PARP1: variants seen among roughly 807,000 people sequenced by gnomAD.
PARP1 encodes the protein poly [ADP-ribose] polymerase 1.
A neutral mutation model predicts 118.7 loss-of-function variants in PARP1; 44 were observed. That is an observed-to-expected ratio of 0.37 (90% CI 0.29 to 0.48). The LOEUF is 0.48. PARP1 is among the 20% of genes least tolerant of loss of function. The pLI is 0.99. For synonymous variants in PARP1, 492 were observed against 483.2 expected (o/e 1.02, Z -0.24); for missense variants, 1,100 against 1,272.4 (o/e 0.86, Z 2.06).
At chr1:226,371,958 G>A (rs1295418311) in intron 14 of PARP1, among the ~76,000 whole-genome samples, 1 of 152,250 alleles carries the variant, frequency 6.6e-6, no homozygotes, top group African/African-American at 2.4e-5. Context: ...CGGGCTGGGA[G>A]CAGTGGCTCC....
chr1:226,376,175 CAA>C (rs778142545), intron 13 of PARP1, among the ~76,000 whole-genome samples: 2 of 151,908 alleles, frequency 1.3e-5, no homozygotes, highest in Admixed American at 6.6e-5. Context: ...TGCTAGGCCT[CAA>C]AGATTTAGAA....
At chr1:226,390,341 G>A in intron 4 of PARP1, 69 bp downstream of exon 4, 3 of 1,337,276 alleles carry the variant, frequency 2.2e-6, no homozygotes, top group Admixed American at 1.7e-5. Flanking sequence ...TATGGAACCT[G>A]TAGGGCCTTT....
At chr1:226,369,746 G>C (rs1190365229) in intron 15 of PARP1, among the ~76,000 whole-genome samples, 2 of 152,060 alleles carry the variant, frequency 1.3e-5, no homozygotes, top group Admixed American at 6.6e-5. Context: ...CTTGAACCCA[G>C]GAGTTTGAGA....
At chr1:226,376,931 G>C (rs1664499388) in intron 13 of PARP1, among the ~76,000 whole-genome samples, 177 bp downstream of exon 13, 1 of 152,198 alleles carries the variant, frequency 6.6e-6, no homozygotes, top group African/African-American at 2.4e-5. Context: ...CATGCAATGA[G>C]CTGGGAAGTA....
rs1664293511 is a variant in PARP1, at chr1:226,367,471, C to T, written c.2406+9G>A. 6.2e-7 allele frequency: 1 copy of T among 1,613,574 alleles called. No homozygotes were observed. Among genetic ancestry groups the T allele is most frequent in the Non-Finnish European group, 8.5e-7 (1 of 1,180,010 alleles). On this transcript the variant is annotated intron_variant, in intron 17 of 22. Transcript: ENST00000366794. ...GTTAAGATGCTTGAGGAAGGCCTGA[C>T]CCTGTTACCTTAATGTCAGTTTTGA...
chr1:226,393,940 A>C (rs1365661784), intron 2 of PARP1, among the ~76,000 whole-genome samples: 1 of 152,258 alleles, frequency 6.6e-6, no homozygotes, highest in African/African-American at 2.4e-5. Context: ...ATGAAACTTT[A>C]ATGAGGCAAA....
At chr1:226,381,513 T>A (rs1322746748) in intron 8 of PARP1, among the ~76,000 whole-genome samples, 1 of 152,200 alleles carries the variant, frequency 6.6e-6, no homozygotes, top group African/African-American at 2.4e-5. Flanking sequence ...CTAGGAAGGC[T>A]GCATCTGCGG....
intron 8 of PARP1, among the ~76,000 whole-genome samples, chr1:226,382,499 CAG>C (rs953854348): frequency 2.6e-5 from 4 of 152,174 alleles, no homozygotes; most frequent in Non-Finnish European, 5.9e-5. Flanking sequence ...CCTAGCCTCC[CAG>C]AGTAAGAGCT....
chr1:226,364,202 C>T, intron 19 of PARP1, 132 bp from the exon 20 acceptor site: 1 of 875,658 alleles, frequency 1.1e-6, no homozygotes, highest in Non-Finnish European at 1.9e-6. Context: ...TCACAATGCC[C>T]ATGGTGAGGA....
intron 5 of PARP1, 89 bp downstream of exon 5, chr1:226,388,567 G>A (rs1664756783): frequency 5.5e-6 from 5 of 912,572 alleles, no homozygotes; most frequent in Non-Finnish European, 7.4e-6. Flanking sequence ...TTAATAAGTG[G>A]GACACAACTC....
intron 8 of PARP1, among the ~76,000 whole-genome samples, chr1:226,381,577 C>T (rs536419182): frequency 6.6e-4 from 100 of 152,348 alleles, no homozygotes; most frequent in African/African-American, 2.4e-3. Flanking sequence ...GTCACATGAA[C>T]CCCCAATTCC....
chr1:226,388,082 TA>T (rs1303487622), intron 5 of PARP1, among the ~76,000 whole-genome samples: 2 of 152,268 alleles, frequency 1.3e-5, no homozygotes, highest in African/African-American at 4.8e-5. Context: ...TTCTGATTAA[TA>T]ATTTTTGCTT....
chr1:226,371,333 C>T (rs1333759242), intron 14 of PARP1, among the ~76,000 whole-genome samples: 1 of 152,186 alleles, frequency 6.6e-6, no homozygotes, highest in African/African-American at 2.4e-5. Flanking sequence ...GCCGTGACTG[C>T]GCCTTTCCAT....
intron 7 of PARP1, among the ~76,000 whole-genome samples, chr1:226,385,181 C>G (rs148591128): frequency 1.1e-4 from 16 of 152,218 alleles, no homozygotes; most frequent in Non-Finnish European, 1.9e-4. Flanking sequence ...GAATTACTAT[C>G]CATTTCTTCA....
At chr1:226,395,123 T>TAA (rs77368740) in intron 2 of PARP1, among the ~76,000 whole-genome samples, 1 of 142,996 alleles carries the variant, frequency 7.0e-6, no homozygotes, top group African/African-American at 2.6e-5. Context: ...GGCTATTATT[T>TAA]AAAAAAAAAA....
At chr1:226,371,935 C>T (rs377346178) in intron 14 of PARP1, among the ~76,000 whole-genome samples, 2 of 152,242 alleles carry the variant, frequency 1.3e-5, no homozygotes, top group South Asian at 4.1e-4. Flanking sequence ...AACTCAGGCA[C>T]AGCGCTGGAC....
At chr1:226,362,212 G>A (rs1470173513) in intron 21 of PARP1, 129 bp from the exon 22 acceptor site, 1 of 660,312 alleles carries the variant, frequency 1.5e-6, no homozygotes, top group Admixed American at 2.3e-5. Context: ...TTTTGAGATG[G>A]AGTCTCACTG....
chr1:226,401,157 G>C (rs1395853128), intron 2 of PARP1, among the ~76,000 whole-genome samples: 1 of 152,274 alleles, frequency 6.6e-6, no homozygotes, highest in African/African-American at 2.4e-5. Context: ...CAGGAATTAG[G>C]AGGGATAAAC....
Position 226,364,029 on chromosome 1 carries a change from C to G in PARP1, c.2700G>C (p.Met900Ile). 1 of 1,613,942 alleles carries G rather than the reference C, an allele frequency of 6.2e-7. No individual in the cohort carries two copies. Among genetic ancestry groups the G allele is most frequent in the South Asian group, 1.1e-5 (1 of 91,076 alleles). Reference sequence around the variant, plus strand: ...GGCAGTAGTTGGCACTCTTGGAGACCATGTCAGCGAAATAGATCCCTTTAC... The same window carrying G: ...GGCAGTAGTTGGCACTCTTGGAGACGATGTCAGCGAAATAGATCCCTTTAC... ...MFGKGIYFAD[M>I]VSKSANYCHT... Residue 900 changes from methionine to isoleucine, a missense_variant, in exon 20 of 23, where the codon ATG (methionine) becomes ATC (isoleucine). Met to Ile is a conservative substitution (Grantham distance 10). Transcript: ENST00000366794.
Sources: allele counts gnomAD v4.1 joint callset (sites outside exome capture counted in the v4.1 genomes callset), GRCh38; gene constraint gnomAD v4.1.1; transcripts MANE v1.5; gene names NCBI Gene and HGNC (gene_info 2026-07-23, HGNC 2026-07-21).